C2: variants seen among roughly 807,000 people sequenced by gnomAD.
C2 encodes the protein complement C2.
Under a neutral mutation model 85.2 loss-of-function variants are expected in C2, and 64 were observed. That is an observed-to-expected ratio of 0.75 (90% CI 0.61 to 0.92). The LOEUF (loss-of-function observed/expected upper bound fraction) is 0.92, where lower values mean the gene tolerates loss of function less well. C2 is among the 40% of genes least tolerant of loss of function. The pLI is 0.00. For synonymous variants in C2, 311 were observed against 370.8 expected (o/e 0.84, Z 1.85); for missense variants, 820 against 971.6 (o/e 0.84, Z 2.07).
At chr6:31,900,847 G>A (rs780444386), upstream of C2, 12 of 1,612,272 alleles carry the variant, frequency 7.4e-6, no homozygotes, top group Non-Finnish European at 9.3e-6. The surrounding 1 kb of genome is among the most constrained non-coding windows in gnomAD (Gnocchi z 9.7). Context: ...CTGGAGGGAG[G>A]AGGGACTTGG....
At chr6:31,911,707 G>A (rs1214556870) in intron 1 of C2, among the ~76,000 whole-genome samples, 1 of 150,278 alleles carries the variant, frequency 6.7e-6, no homozygotes, top group African/African-American at 2.5e-5. Flanking sequence ...GTGGCACACT[G>A]CAGCCTCCGC....
intron 3 of C2, among the ~76,000 whole-genome samples, chr6:31,932,130 C>A (rs554859296): frequency 3.2e-4 from 42 of 131,110 alleles, no homozygotes; most frequent in African/African-American, 1.2e-3. Flanking sequence ...GACCCCCCCA[C>A]CTCCCTCCCG....
At position 31,943,367 on chromosome 6, in the gene C2, C is replaced by T. The variant is rs1771053983; in HGVS notation, c.1455+48C>T. ...CTTGGATTCCAGAGGTAAAAGCGGC[C>T]ATGGGCCAGACATACTGCAATCTCT... On this transcript the variant is annotated intron_variant, in intron 11 of 17. Coordinates refer to ENST00000299367, the MANE Select transcript of C2 (RefSeq NM_000063.6). The surrounding 1 kb of genome is among the most constrained non-coding windows in gnomAD (Gnocchi z 6.4). The T allele has an allele frequency of 6.2e-7, 1 of 1,608,872 alleles. No individual in the cohort carries two copies. The highest frequency in any genetic ancestry group is 8.5e-7 in the Non-Finnish European group (1 of 1,176,142).
chr6:31,906,902 T>A (rs1173952245), intron 1 of C2, among the ~76,000 whole-genome samples: 1 of 151,872 alleles, frequency 6.6e-6, no homozygotes, highest in African/African-American at 2.4e-5. Context: ...TTTGGGAGGC[T>A]GAGGTGGCCG....
Position 31,922,288 on chromosome 6 carries a change from G to T in C2, c.-100+2262G>T. On this transcript the variant is annotated intron_variant, in intron 1 of 3. Transcript: ENST00000413154. This position sits in a 1 kb window ranked among gnomAD's most constrained non-coding sequence, Gnocchi z 4.8. ...GTCACACATTAAGGCTGTGAACCAG[G>T]CCAAGCCAGACTAGTTTTCCAATTT... is the stretch of plus-strand genomic sequence containing the variant. Among the ~76,000 whole-genome samples the T allele has an allele frequency of 6.6e-6, 1 of 152,080 alleles. No individual in the cohort carries two copies. Among genetic ancestry groups the T allele is most frequent in the East Asian group, 1.9e-4 (1 of 5,194 alleles).
Position 31,934,202 on chromosome 6 carries a change from G to A in C2, c.752G>A (p.Gly251Asp), listed in dbSNP as rs373292678. The A allele has an allele frequency of 3.7e-5, 60 of 1,614,092 alleles. No individual in the cohort carries two copies. Among genetic ancestry groups the A allele is most frequent in the Non-Finnish European group, 4.7e-5 (56 of 1,180,048 alleles). Reference sequence around the variant, plus strand: ...CGTAAAATCCAAATCCAGCGCTCTGGTCATCTGAACCTCTACCTGCTCCTG... The same window carrying A: ...CGTAAAATCCAAATCCAGCGCTCTGATCATCTGAACCTCTACCTGCTCCTG... Reference protein sequence around the residue: ...LGRKIQIQRSGHLNLYLLLDC... With the variant: ...LGRKIQIQRSDHLNLYLLLDC... The change falls in exon 6 of 18, where the codon GGT becomes GAT. Residue 251 changes from glycine (G) to aspartate (D), a missense_variant. By Grantham distance (94) the Gly-to-Asp change is moderately conservative. Coordinates refer to ENST00000299367, the MANE Select transcript of C2 (RefSeq NM_000063.6).
chr6:31,924,605 T>C (rs1014044617), upstream of C2, among the ~76,000 whole-genome samples: 2 of 152,212 alleles, frequency 1.3e-5, no homozygotes, highest in Non-Finnish European at 2.9e-5. Flanking sequence ...CTGTGCCAAG[T>C]TGATGTAGCT....
rs182659879 is a variant in C2 at position 31,929,966 on chromosome 6, C to T, written c.442+1049C>T. Among the ~76,000 whole-genome samples the T allele has an allele frequency of 1.2e-3, 183 of 148,180 alleles. 4 individuals are homozygous for T. Among genetic ancestry groups the T allele is most frequent in the Middle Eastern group, 3.7e-3 (1 of 272 alleles). ...GGCAGAGGTTGCAGTGAGCCGAGATCGTGCCACTGCACTCCAGCCTGGGTG... is the reference window on the plus strand; with the variant it reads ...GGCAGAGGTTGCAGTGAGCCGAGATTGTGCCACTGCACTCCAGCCTGGGTG... On this transcript the variant is annotated intron_variant, in intron 3 of 17. Transcript: ENST00000299367.
chr6:31,913,057 G>A (rs1214754228), intron 1 of C2, among the ~76,000 whole-genome samples: 1 of 143,542 alleles, frequency 7.0e-6, no homozygotes, highest in Non-Finnish European at 1.5e-5. Flanking sequence ...AAAAAAAGAT[G>A]TGTCAATTTG....
intron 8 of C2, 43 bp downstream of exon 8, chr6:31,937,502 G>A (rs771699404): frequency 6.4e-5 from 103 of 1,610,346 alleles, no homozygotes; most frequent in Non-Finnish European, 8.1e-5. Context: ...TAGTGGAAGG[G>A]GCACCAATAT....
intron 1 of C2, among the ~76,000 whole-genome samples, chr6:31,906,678 G>A (rs1240634880): frequency 1.3e-5 from 2 of 151,696 alleles, no homozygotes; most frequent in Admixed American, 6.6e-5. Flanking sequence ...ACTGACTTTC[G>A]GGCCTGTGAT....
At chr6:31,940,846 T>G (rs1488894998) in intron 9 of C2, among the ~76,000 whole-genome samples, 1 of 152,272 alleles carries the variant, frequency 6.6e-6, no homozygotes, top group Admixed American at 6.5e-5. Flanking sequence ...TCTGGGCCAT[T>G]GCCAGATTGC....
chr6:31,931,925 G>A (rs1161912525), intron 3 of C2, among the ~76,000 whole-genome samples: 40 of 92,456 alleles, frequency 4.3e-4, no homozygotes, highest in Non-Finnish European at 8.6e-4. Flanking sequence ...GGACGGCGCG[G>A]CTGGCCGGGC....
chr6:31,929,469 C>T (rs1007511225), intron 3 of C2, among the ~76,000 whole-genome samples: 1 of 152,120 alleles, frequency 6.6e-6, no homozygotes, highest in African/African-American at 2.4e-5. Context: ...GCCTGTAATC[C>T]CAGCACTTTG....
chr6:31,916,578 AG>A (rs1163295854), upstream of C2, among the ~76,000 whole-genome samples: 7 of 130,066 alleles, frequency 5.4e-5, no homozygotes, highest in Non-Finnish European at 1.1e-4. Context: ...AAAAAAAAAA[AG>A]AGTGATGTCA....
chr6:31,907,602 A>G (rs1767800497), intron 1 of C2, among the ~76,000 whole-genome samples: 2 of 150,832 alleles, frequency 1.3e-5, no homozygotes, highest in African/African-American at 4.9e-5. Context: ...AAAAAAAAAA[A>G]AAAGTGGTTT....
At position 31,935,214 on chromosome 6, in the gene C2, T is replaced by C. The variant is rs1418327412; in HGVS notation, c.850-709T>C. 3 of 236,914 alleles carry C rather than the reference T, an allele frequency of 1.3e-5. No homozygotes were observed. The highest frequency in any genetic ancestry group is 2.1e-5 in the Non-Finnish European group (3 of 145,796). The allele number at this position is 236,914 out of a possible 1,614,324, so 14.7% of individuals were successfully genotyped here. A position where few individuals can be genotyped will look rare whatever the true frequency, so the allele number is the denominator to read the frequency against. ...CTCTTGGGACTCAAAATTAAGTAACTCATTGCACTGCGAGGCGGCAACACA... is the reference window on the plus strand; with the variant it reads ...CTCTTGGGACTCAAAATTAAGTAACCCATTGCACTGCGAGGCGGCAACACA... On this transcript the variant is annotated intron_variant, in intron 6 of 17. Transcript: ENST00000299367. This position sits in a 1 kb window ranked among gnomAD's most constrained non-coding sequence, Gnocchi z 4.3.
chr6:31,905,365 G>T (rs115025069), intron 1 of C2, among the ~76,000 whole-genome samples: 5,452 of 151,966 alleles, frequency 0.036, 139 homozygotes, highest in South Asian at 0.052. Flanking sequence ...TTAAGCCCAG[G>T]CAGTTGAGGC....
intron 3 of C2, among the ~76,000 whole-genome samples, chr6:31,930,423 C>T (rs927880792): frequency 5.9e-5 from 9 of 152,140 alleles, no homozygotes; most frequent in Non-Finnish European, 1.0e-4. Flanking sequence ...GCTGTGTTGC[C>T]AAGGCTGGCT....
Sources: gnomAD v4.1 joint callset for allele counts (sites outside exome capture counted in the v4.1 genomes callset) on GRCh38, gnomAD v4.1.1 for gene constraint, Gnocchi (gnomAD v3.1) non-coding constraint, MANE v1.5 for transcripts, NCBI Gene and HGNC (gene_info 2026-07-23, HGNC 2026-07-21) for gene names.